The following MEIOSIN variants were observed in gnomAD, a reference collection of about 807,000 sequenced individuals.
The protein encoded by MEIOSIN is meiosis initiator protein.
MEIOSIN carries 18 observed loss-of-function variants against 23.4 expected under a neutral mutation model. The ratio of observed to expected loss-of-function variants is 0.77; its 90% CI spans 0.53 to 1.14. The LOEUF is 1.14. Ranked by LOEUF, MEIOSIN falls within the 50% of genes most tolerant of loss-of-function variation. The pLI, the probability that MEIOSIN is intolerant of heterozygous loss-of-function variation, is 0.00. For missense variants in MEIOSIN, 428 were observed against 242.9 expected, an observed-to-expected ratio of 1.76 and a Z score of -5.07; for synonymous variants, 187 against 100.6, an observed-to-expected ratio of 1.86 and a Z score of -5.14.
At chr19:45,754,383 T>C in intron 6 of MEIOSIN, 96 bp from the exon 7 acceptor site, 3 of 622,418 alleles carry the variant, frequency 4.8e-6, no homozygotes, top group Non-Finnish European at 5.8e-6. Context: ...AGGCATAGCT[T>C]TGACACTGAC....
intron 11 of MEIOSIN, among the ~76,000 whole-genome samples, chr19:45,761,318 C>T (rs955297569): frequency 4.6e-5 from 7 of 150,848 alleles, no homozygotes; most frequent in African/African-American, 1.7e-4. Context: ...GACAGAGTTT[C>T]GCCATGTTGG....
At chr19:45,749,075 A>T (rs116959973) in intron 4 of MEIOSIN, among the ~76,000 whole-genome samples, 29,724 of 150,830 alleles carry the variant, frequency 0.2, 3,652 homozygotes, top group Non-Finnish European at 0.27. Flanking sequence ...TCTCAAAAAA[A>T]AAAAAAAGAC....
chr19:45,762,171 A>G lies in MEIOSIN; in HGVS notation c.1667A>G (p.Lys556Arg), dbSNP rs554723146. 4.9e-6 allele frequency: 2 copies of G among 409,694 alleles called. No individual in the cohort carries two copies. The highest frequency in any genetic ancestry group is 7.1e-5 in the East Asian group (2 of 28,338). 25.4% of individuals were successfully genotyped at this position (409,694 alleles called of 1,614,324 possible). ...ATCATGTTCTGCAGGATGAACCGGA[A>G]GCAGTACATCCGGTGGGTAGGGGGT... The part of the protein sequence containing the change: ...GFIMFCRMNR[K>R]QYIRSCPGTA... Residue 556 changes from lysine (K) to arginine (R), a missense_variant, in exon 13 of 15, where the codon AAG becomes AGG. Lys to Arg is a conservative substitution (Grantham distance 26, BLOSUM62 2). Transcript: ENST00000457052.
intron 3 of MEIOSIN, 95 bp downstream of exon 3, chr19:45,739,825 T>C (rs1343201813): frequency 7.3e-6 from 5 of 687,580 alleles, no homozygotes; most frequent in Non-Finnish European, 1.1e-5. Context: ...TTCTGACAAA[T>C]GACTGTACAC....
At chr19:45,757,383 TC>T in intron 9 of MEIOSIN, 106 bp downstream of exon 9, 1 of 630,444 alleles carries the variant, frequency 1.6e-6, no homozygotes, top group Non-Finnish European at 2.9e-6. Flanking sequence ...GGAATGGAGA[TC>T]CCCTAAGCAC....
Position 45,739,966 on chromosome 19 carries a change from A to G in MEIOSIN, c.176+236A>G, listed in dbSNP as rs527425887. ...GGGTTTAAGTGATTCTCCTGCCTCA[A>G]CCTCCCGAGTAGTTGGGATTACAGG... On this transcript the variant is annotated intron_variant, in intron 3 of 14. Transcript: ENST00000457052. Among the ~76,000 whole-genome samples the G allele has an allele frequency of 7.9e-5, 12 of 151,860 alleles. No individual in the cohort carries two copies. The South Asian group carries it at 1.9e-3, about 24-fold the overall frequency.
At chr19:45,756,947 C>G (rs1180835694) in intron 8 of MEIOSIN, among the ~76,000 whole-genome samples, 1 of 152,148 alleles carries the variant, frequency 6.6e-6, no homozygotes, top group Non-Finnish European at 1.5e-5. Flanking sequence ...TCAGGCTGAG[C>G]CCACTGCTCT....
intron 7 of MEIOSIN, 87 bp from the exon 8 acceptor site, chr19:45,755,883 G>A (rs919350200): frequency 1.2e-5 from 8 of 645,064 alleles, no homozygotes; most frequent in African/African-American, 8.9e-5. Flanking sequence ...GTGTGTGGCA[G>A]AAGCTGGCAC....
chr19:45,740,698 C>T (rs1382004982), intron 3 of MEIOSIN, among the ~76,000 whole-genome samples: 1 of 150,950 alleles, frequency 6.6e-6, no homozygotes, highest in Admixed American at 6.6e-5. Flanking sequence ...TGCAGTGAGC[C>T]GAGATCGTGC....
At chr19:45,761,182 T>G (rs1408706705) in intron 11 of MEIOSIN, among the ~76,000 whole-genome samples, 1 of 151,244 alleles carries the variant, frequency 6.6e-6, no homozygotes, top group East Asian at 2.0e-4. Context: ...TGGAGTGCAG[T>G]GGTACGATCT....
chr19:45,763,644 C>T (rs1968993816), intron 14 of MEIOSIN, among the ~76,000 whole-genome samples: 1 of 152,132 alleles, frequency 6.6e-6, no homozygotes, highest in South Asian at 2.1e-4. Flanking sequence ...GACATGGACC[C>T]CTGCCTCAAT....
chr19:45,750,821 G>A (rs1968689526), intron 5 of MEIOSIN, 35 bp downstream of exon 5: 5 of 574,850 alleles, frequency 8.7e-6, no homozygotes, highest in Non-Finnish European at 1.5e-5. Context: ...TGGTGCCTGT[G>A]ATGTTCCAAG....
At chr19:45,754,118 A>AG (rs956675339) in intron 6 of MEIOSIN, among the ~76,000 whole-genome samples, 66 of 152,282 alleles carry the variant, frequency 4.3e-4, no homozygotes, top group African/African-American at 1.6e-3. Flanking sequence ...CTGGGATTAC[A>AG]GGCATGTGCC....
chr19:45,754,566 G>T lies in MEIOSIN; in HGVS notation c.644G>T (p.Gly215Val), dbSNP rs1363918105. 7.1e-6 allele frequency: 5 copies of T among 703,070 alleles called. No individual in the cohort carries two copies. The highest frequency in any genetic ancestry group is 4.4e-5 in the South Asian group (3 of 67,606). The allele number at this position is 703,070 out of a possible 1,614,324, so 43.6% of individuals were successfully genotyped here. ...GTGGCCCCATCCCCAGACCAGAAAG[G>T]AAGTGGCACAGGGGGGACCACTACC... ...KLVAPSPDQKGSGTGGTTTPP... is the reference protein window; with the variant it reads ...KLVAPSPDQKVSGTGGTTTPP... Residue 215 changes from glycine to valine, a missense_variant, in exon 7 of 15, where the codon GGA becomes GTA. Gly to Val is a moderately radical substitution (Grantham distance 109, BLOSUM62 -3). Coordinates refer to ENST00000457052, the MANE Select transcript of MEIOSIN (RefSeq NM_001310124.2).
chr19:45,740,336 C>T (rs1568553662), intron 3 of MEIOSIN, among the ~76,000 whole-genome samples: 1 of 152,184 alleles, frequency 6.6e-6, no homozygotes, highest in Non-Finnish European at 1.5e-5. Flanking sequence ...GGATTTGAAT[C>T]CCAGTCTTTC....
chr19:45,755,203 G>T (rs1472656778), intron 7 of MEIOSIN, among the ~76,000 whole-genome samples: 11 of 149,690 alleles, frequency 7.3e-5, no homozygotes, highest in Non-Finnish European at 1.3e-4. Flanking sequence ...AGGCTGGAGT[G>T]CAGTGGTACA....
intron 5 of MEIOSIN, among the ~76,000 whole-genome samples, chr19:45,753,416 C>T (rs1001296420): frequency 2.0e-5 from 3 of 152,050 alleles, no homozygotes; most frequent in Non-Finnish European, 4.4e-5. Context: ...AGTGTTGATT[C>T]CATTCTCCCA....
At position 45,742,121 on chromosome 19, in the gene MEIOSIN, C is replaced by T. The variant is rs547526433; in HGVS notation, c.176+2391C>T. On this transcript the variant is annotated intron_variant, in intron 3 of 14. Transcript: ENST00000457052. Reference sequence around the variant, plus strand: ...GAACTCCTGACCTCAGGTGATCCACCTGCCTTGGCCTCCCAAAGTGCTGGG... The same window carrying T: ...GAACTCCTGACCTCAGGTGATCCACTTGCCTTGGCCTCCCAAAGTGCTGGG... Among the ~76,000 whole-genome samples the T allele has an allele frequency of 5.6e-4, 85 of 152,252 alleles. No homozygotes were observed. In the South Asian group the frequency reaches 7.3e-3, roughly 13 times the overall value.
intron 11 of MEIOSIN, among the ~76,000 whole-genome samples, chr19:45,761,228 G>A (rs911171165): frequency 3.8e-4 from 57 of 151,362 alleles, no homozygotes; most frequent in African/African-American, 1.4e-3. Flanking sequence ...GGATTTAAGC[G>A]ATTCTTGTGC....
Sources: allele counts gnomAD v4.1 joint callset (sites outside exome capture counted in the v4.1 genomes callset), GRCh38; gene constraint gnomAD v4.1.1; transcripts MANE v1.5; gene names NCBI Gene and HGNC (gene_info 2026-07-23, HGNC 2026-07-21).